PBDC1: variants seen among roughly 807,000 people sequenced by gnomAD.
PBDC1 encodes the protein protein PBDC1.
Under a neutral mutation model 12.0 loss-of-function variants are expected in PBDC1, and 3 were observed. The observed-to-expected ratio is 0.25, with a 90% CI of 0.11 to 0.64. PBDC1 has a LOEUF of 0.64. Among genes scored for constraint, PBDC1 ranks in the 30% least tolerant of loss-of-function variants. The pLI is 0.84. For synonymous variants in PBDC1, 64 were observed against 56.4 expected, an observed-to-expected ratio of 1.13 and a Z score of -0.60; for missense variants, 162 against 168.1, an observed-to-expected ratio of 0.96 and a Z score of 0.20.
rs782190448 is a variant in PBDC1 at position 76,177,988 on chromosome X, T to A, written c.*80T>A. The A allele has an allele frequency of 4.2e-6, 5 of 1,177,045 alleles. No individual in the cohort carries two copies. In the African/African-American group the frequency reaches 9.1e-5, roughly 21 times the overall value. ...CACGGTGCTACTTGCACAGACCCCT[T>A]TGGTTAAATGTAAATTCTTGTACAA... On this transcript the variant is annotated 3_prime_UTR_variant, in exon 6 of 6. Transcript: ENST00000373358.
intron 4 of PBDC1, among the ~76,000 whole-genome samples, chrX:76,176,178 G>A (rs1924786810): frequency 9.7e-6 from 1 of 103,603 alleles, no homozygotes; most frequent in Admixed American, 1.1e-4. Context: ...TTTTGATACA[G>A]GGTCTCACTC....
chrX:76,174,895 C>T lies in PBDC1; in HGVS notation c.102C>T (p.Asp34=), dbSNP rs1218228818. The T allele has an allele frequency of 1.7e-6, 2 of 1,206,562 alleles. No homozygotes were observed. Among genetic ancestry groups the T allele is most frequent in the African/African-American group, 3.5e-5 (2 of 57,324 alleles). The stretch of plus-strand genomic sequence containing the variant: ...CATTCTTCACTCCTTTGCAGCCTGA[C>T]ATTGAGATGGCTTGGGCCATGAGAG... ...LPAESYGNDP[D]IEMAWAMRAM... The change falls in exon 3 of 6, where the codon GAC becomes GAT. Residue 34 remains aspartate (D), a synonymous_variant. Transcript: ENST00000373358.
chrX:76,173,862 C>G (rs907689973), intron 2 of PBDC1, among the ~76,000 whole-genome samples: 1 of 112,054 alleles, frequency 8.9e-6, no homozygotes, highest in African/African-American at 3.2e-5. Flanking sequence ...AAGTTGGCCA[C>G]GCTTTAGAAT....
At position 76,178,295 on chromosome X, in the gene PBDC1, C is replaced by T. The variant is rs1556797207; in HGVS notation, c.*387C>T. On this transcript the variant is annotated 3_prime_UTR_variant, in exon 6 of 6. Coordinates refer to ENST00000373358, the MANE Select transcript of PBDC1 (RefSeq NM_016500.5). ...ACCATGTCTTATATAAGATAATTTA[C>T]TCCTGTTTCTTACTGCTTCTCACTG... The T allele has an allele frequency of 9.6e-6, 2 of 208,543 alleles. No homozygotes were observed. Among genetic ancestry groups the T allele is most frequent in the Admixed American group, 6.6e-5 (1 of 15,097 alleles). The allele number at this position is 208,543 out of a possible 1,213,427, so 17.2% of individuals were successfully genotyped here.
Position 76,173,508 on chromosome X carries a change from TCACTGCGACTGGCCTTGGGGGGAGC to T in PBDC1, c.31-73_31-49del, listed in dbSNP as rs879983793. On this transcript the variant is annotated intron_variant, in intron 1 of 5. Transcript: ENST00000373358. ...AAAGTGCTGGGATTACAGGCACGAGTCACTGCGACTGGCCTTGGGGGGAGCCACCGCGCCCGGCCTTGGGGGGAGC... is the reference window on the plus strand; with the variant it reads ...AAAGTGCTGGGATTACAGGCACGAGTCACCGCGCCCGGCCTTGGGGGGAGC... 4.8e-3 allele frequency: 3,523 copies of T among 727,693 alleles called. 9 individuals are homozygous for T. The highest frequency in any genetic ancestry group is 0.024 in the East Asian group (697 of 29,115). 60.0% of individuals were successfully genotyped at this position (727,693 alleles called of 1,213,427 possible).
Position 76,174,957 on chromosome X carries a change from G to T in PBDC1, c.156+8G>T. 2 of 1,163,105 alleles carry T rather than the reference G, an allele frequency of 1.7e-6. No homozygotes were observed. On this transcript the variant is annotated splice_region_variant and intron_variant, in intron 3 of 5. Coordinates refer to ENST00000373358, the MANE Select transcript of PBDC1 (RefSeq NM_016500.5). Reference sequence around the variant, plus strand: ...GCTGAAGTCTATTACAAGGTGAGTTGTCTTTCTTCATCATTAAGCAGAATT... The same window carrying T: ...GCTGAAGTCTATTACAAGGTGAGTTTTCTTTCTTCATCATTAAGCAGAATT...
At position 76,177,766 on chromosome X, in the gene PBDC1, C is replaced by A. The variant is rs1453938193; in HGVS notation, c.560C>A (p.Thr187Asn). The A allele has an allele frequency of 1.5e-5, 18 of 1,201,743 alleles. No individual in the cohort carries two copies. The highest frequency in any genetic ancestry group is 2.0e-5 in the Non-Finnish European group (18 of 891,984). ...GCTGACAGTGGAGAAGAAGAGAACA[C>A]CAAGAATGGAGGAGAGAAAGGAGCT... ...KRADSGEEEN[T>N]KNGGEKGADS... Residue 187 changes from threonine to asparagine, a missense_variant, in exon 6 of 6, where the codon ACC (threonine) becomes AAC (asparagine). Coordinates refer to ENST00000373358, the MANE Select transcript of PBDC1 (RefSeq NM_016500.5).
chrX:76,176,808 G>A, intron 4 of PBDC1, 73 bp from the exon 5 acceptor site: 1 of 636,296 alleles, frequency 1.6e-6, no homozygotes, highest in South Asian at 2.5e-5. Context: ...TGGGAAAATG[G>A]AAGTCCCTCT....
In PBDC1 at chrX:76,173,078, T is replaced by G; in HGVS notation, c.-61T>G. On this transcript the variant is annotated 5_prime_UTR_variant, in exon 1 of 6. Coordinates refer to ENST00000373358, the MANE Select transcript of PBDC1 (RefSeq NM_016500.5). ...GGTGGAGCCGCCAGTTGAGAAGGAC[T>G]CTGATCCGGCTCAGCTTTCCAATCA... 1 of 1,138,220 alleles carries G rather than the reference T, an allele frequency of 8.8e-7. No homozygotes were observed. The highest frequency in any genetic ancestry group is 1.2e-6 in the Non-Finnish European group (1 of 846,037). The allele number at this position is 1,138,220 out of a possible 1,213,427, so 93.8% of individuals were successfully genotyped here. A position where few individuals can be genotyped will look rare whatever the true frequency, so the allele number is the denominator to read the frequency against.
Position 76,176,908 on chromosome X carries a change from A to G in PBDC1, c.325A>G (p.Asn109Asp), listed in dbSNP as rs1556797017. 8.3e-7 allele frequency: 1 copy of G among 1,206,251 alleles called. No individual in the cohort carries two copies. Among genetic ancestry groups the G allele is most frequent in the Non-Finnish European group, 1.1e-6 (1 of 891,565 alleles). Residue 109 changes from asparagine to aspartate, a missense_variant, in exon 5 of 6, where the codon AAT (asparagine) becomes GAT (aspartate). This residue lies in a region of PBDC1 where 100 missense variants were observed against 96.2 expected (regional missense o/e 1.04). Transcript: ENST00000373358. ...GTGGAGGCCATTCTGCTTGAAGTTTAATGGGATTGTTGAAGACTTCAACTA... is the reference window on the plus strand; with the variant it reads ...GTGGAGGCCATTCTGCTTGAAGTTTGATGGGATTGTTGAAGACTTCAACTA... ...EKWRPFCLKF[N>D]GIVEDFNYGT...
chrX:76,175,172 G>A (rs377604095), intron 3 of PBDC1, among the ~76,000 whole-genome samples: 2 of 112,758 alleles, frequency 1.8e-5, no homozygotes, highest in East Asian at 2.8e-4. Flanking sequence ...ACAAAAGGGC[G>A]TCTGGCCCAT....
chrX:76,173,798 C>G (rs1238789370), intron 2 of PBDC1, 148 bp downstream of exon 2: 3 of 324,668 alleles, frequency 9.2e-6, no homozygotes, highest in African/African-American at 8.1e-5. Context: ...TCGTTCAGTT[C>G]GTTTTAATCT....
Position 76,177,647 on chromosome X carries a change from T to A in PBDC1, c.441T>A (p.Ile147=), listed in dbSNP as rs1924823311. The A allele has an allele frequency of 8.5e-7, 1 of 1,181,703 alleles. No homozygotes were observed. Among genetic ancestry groups the A allele is most frequent in the African/African-American group, 1.8e-5 (1 of 54,998 alleles). The change falls in exon 6 of 6, where the codon ATT becomes ATA. Residue 147 remains isoleucine (I), a synonymous_variant. Transcript: ENST00000373358. ...GGATACAATTCTTTGCCATTGAAAT[T>A]GCTCGGAACCGGGAAGGCTATAACA... is the stretch of plus-strand genomic sequence containing the variant. ...APRIQFFAIE[I]ARNREGYNKA...
Position 76,173,121 on chromosome X carries a change from G to T in PBDC1, c.-18G>T. 8.5e-7 allele frequency: 1 copy of T among 1,174,746 alleles called. No individual in the cohort carries two copies. The highest frequency in any genetic ancestry group is 1.8e-5 in the African/African-American group (1 of 56,859). On this transcript the variant is annotated 5_prime_UTR_variant, in exon 1 of 6. Transcript: ENST00000373358. ...TCCAATCAGCTGCGGAAGGAGCCACGCTTTCGGGGGTTGCAAGATGGCGGC... is the reference window on the plus strand; with the variant it reads ...TCCAATCAGCTGCGGAAGGAGCCACTCTTTCGGGGGTTGCAAGATGGCGGC...
At position 76,176,873 on chromosome X, in the gene PBDC1, C is replaced by T. The variant is rs782086815; in HGVS notation, c.298-8C>T. The T allele has an allele frequency of 1.3e-5, 15 of 1,166,639 alleles. No individual in the cohort carries two copies. Among genetic ancestry groups the T allele is most frequent in the South Asian group, 1.8e-5 (1 of 55,342 alleles). ...TTGTCAGCTAAAGCATCGTTTTTGC[C>T]TTTATAGAAGTGGAGGCCATTCTGC... is the stretch of plus-strand genomic sequence containing the variant. On this transcript the variant is annotated splice_region_variant and splice_polypyrimidine_tract_variant and intron_variant, in intron 4 of 5. Coordinates refer to ENST00000373358, the MANE Select transcript of PBDC1 (RefSeq NM_016500.5).
chrX:76,176,824 C>A, intron 4 of PBDC1, 57 bp from the exon 5 acceptor site: 1 of 762,439 alleles, frequency 1.3e-6, no homozygotes. Context: ...CCTCTCCTGG[C>A]CTTAGTACGT....
chrX:76,173,204 G>A (rs1924701427), intron 1 of PBDC1, 36 bp downstream of exon 1: 7 of 1,113,287 alleles, frequency 6.3e-6, no homozygotes, highest in Middle Eastern at 2.6e-4. Flanking sequence ...GAGTGGGGAG[G>A]TCGAGCCAGG....
rs782493697 is a variant in PBDC1 at position 76,174,918 on chromosome X, G to A, written c.125G>A (p.Arg42Lys). ...GACATTGAGATGGCTTGGGCCATGA[G>A]AGCAATGCAGCATGCTGAAGTCTAT... Reference protein sequence around the residue: ...DPDIEMAWAMRAMQHAEVYYK... With the variant: ...DPDIEMAWAMKAMQHAEVYYK... Residue 42 changes from arginine (R) to lysine (K), a missense_variant, in exon 3 of 6, where the codon AGA (arginine) becomes AAA (lysine). By Grantham distance (26) the Arg-to-Lys change is conservative. Transcript: ENST00000373358. 8.3e-7 allele frequency: 1 copy of A among 1,207,515 alleles called. No homozygotes were observed. The highest frequency in any genetic ancestry group is 1.1e-6 in the Non-Finnish European group (1 of 891,388).
rs1924721310 is a variant in PBDC1 at position 76,173,724 on chromosome X, G to A, written c.96+74G>A. The A allele has an allele frequency of 1.8e-5, 12 of 668,641 alleles. No homozygotes were observed. In the East Asian group the frequency reaches 4.5e-4, roughly 25 times the overall value. 55.1% of individuals were successfully genotyped at this position (668,641 alleles called of 1,213,427 possible). On this transcript the variant is annotated intron_variant, in intron 2 of 5. Transcript: ENST00000373358. ...CTCTGCAGGACCTGCCTGCCACTAA[G>A]TTATAACTTCACGTCCTGATAATCT...
Sources: gnomAD v4.1 joint callset for allele counts (sites outside exome capture counted in the v4.1 genomes callset) on GRCh38, gnomAD v4.1.1 for gene constraint, gnomAD v4.1.1 regional missense constraint, MANE v1.5 for transcripts, NCBI Gene and HGNC (gene_info 2026-07-23, HGNC 2026-07-21) for gene names.